ADGRL3: variants seen among roughly 807,000 people sequenced by gnomAD.
ADGRL3 encodes adhesion G protein-coupled receptor L3.
Under a neutral mutation model 153.5 loss-of-function variants are expected in ADGRL3, and 62 were observed. The ratio of observed to expected loss-of-function variants is 0.40; its 90% CI spans 0.33 to 0.50. The LOEUF (loss-of-function observed/expected upper bound fraction) is 0.50, where lower values mean the gene tolerates loss of function less well. Ranked by LOEUF, ADGRL3 falls within the 20% of genes least tolerant of loss-of-function variation. ADGRL3 has a pLI of 0.47. For synonymous variants in ADGRL3, 710 were observed against 672.5 expected, an observed-to-expected ratio of 1.06 and a Z score of -0.86; for missense variants, 1,641 against 1,859.4, an observed-to-expected ratio of 0.88 and a Z score of 2.16.
intron 2 of ADGRL3, among the ~76,000 whole-genome samples, chr4:61,428,885 TATCTATATC>T (rs761821494): frequency 0.12 from 12,219 of 103,892 alleles, 572 homozygotes; most frequent in Middle Eastern, 0.2. Flanking sequence ...ATCATCTATC[TATCTATATC>T]ATCTATCTAT....
intron 11 of ADGRL3, among the ~76,000 whole-genome samples, chr4:61,899,468 A>G (rs1269321042): frequency 2.0e-5 from 3 of 152,120 alleles, no homozygotes; most frequent in African/African-American, 7.2e-5. Flanking sequence ...CAAACTTGTA[A>G]AGCAAAGGAA....
intron 24 of ADGRL3, among the ~76,000 whole-genome samples, chr4:62,039,783 C>A (rs144456780): frequency 1.3e-5 from 2 of 152,080 alleles, no homozygotes; most frequent in Non-Finnish European, 2.9e-5. Context: ...ACTTTTTCCA[C>A]GACTTTTCAA....
intron 1 of ADGRL3, among the ~76,000 whole-genome samples, chr4:61,356,297 A>T (rs1040617589): frequency 6.6e-6 from 1 of 152,062 alleles, no homozygotes. Flanking sequence ...GAAATCTGTT[A>T]TGCAGGATTT....
chr4:61,707,171 C>T (rs867558775), intron 6 of ADGRL3, among the ~76,000 whole-genome samples: 5 of 152,200 alleles, frequency 3.3e-5, no homozygotes, highest in South Asian at 2.1e-4. Flanking sequence ...AGGCATGGTT[C>T]GTGGTCCCCA....
chr4:61,230,487 A>G (rs773353747), intron 1 of ADGRL3, among the ~76,000 whole-genome samples: 9 of 152,208 alleles, frequency 5.9e-5, no homozygotes, highest in Non-Finnish European at 1.2e-4. Flanking sequence ...ATTTATTTAA[A>G]TCTTTCATCC....
chr4:61,769,756 C>G (rs2097059546), intron 8 of ADGRL3, among the ~76,000 whole-genome samples: 1 of 146,464 alleles, frequency 6.8e-6, no homozygotes, highest in Non-Finnish European at 1.5e-5. Flanking sequence ...TTGCAAGGTG[C>G]TCAGTGGGCA....
intron 8 of ADGRL3, among the ~76,000 whole-genome samples, chr4:61,748,242 A>C (rs983842949): frequency 6.6e-6 from 1 of 152,214 alleles, no homozygotes. Context: ...TTCCATGCTC[A>C]TGGGTAGGAA....
At chr4:61,783,421 A>G (rs1187234047) in intron 8 of ADGRL3, among the ~76,000 whole-genome samples, 2 of 152,126 alleles carry the variant, frequency 1.3e-5, no homozygotes, top group Non-Finnish European at 1.5e-5. Flanking sequence ...TGGTATGTCC[A>G]CATGTGAGTG....
chr4:61,874,183 C>A (rs2098460923), intron 9 of ADGRL3, among the ~76,000 whole-genome samples: 1 of 152,162 alleles, frequency 6.6e-6, no homozygotes, highest in Non-Finnish European at 1.5e-5. Context: ...AAGTTCTCAT[C>A]TGAAACCTTG....
intron 2 of ADGRL3, among the ~76,000 whole-genome samples, chr4:61,396,714 T>A (rs1348858081): frequency 2.0e-5 from 3 of 151,982 alleles, no homozygotes; most frequent in Non-Finnish European, 4.4e-5. Context: ...TTATTATTAA[T>A]GCATAAAGTA....
chr4:61,539,464 C>T (rs1365461316), intron 4 of ADGRL3, among the ~76,000 whole-genome samples: 2 of 152,170 alleles, frequency 1.3e-5, no homozygotes, highest in Non-Finnish European at 2.9e-5. Flanking sequence ...TTCAGGGGCC[C>T]CATAACTCTC....
At chr4:61,565,154 T>TA (rs1044347624) in intron 4 of ADGRL3, among the ~76,000 whole-genome samples, 12 of 152,230 alleles carry the variant, frequency 7.9e-5, no homozygotes, top group Admixed American at 7.2e-4. Flanking sequence ...CTTCAATTTG[T>TA]AAAAAACACA....
chr4:62,073,474 A>C lies in ADGRL3; in HGVS notation c.*2566A>C, dbSNP rs1261769398. 4 of 152,126 alleles carry C rather than the reference A, an allele frequency of 2.6e-5. No homozygotes were observed. Among genetic ancestry groups the C allele is most frequent in the Non-Finnish European group, 5.9e-5 (4 of 68,006 alleles). The allele number at this position is 152,126 out of a possible 1,614,324, so 9.4% of individuals were successfully genotyped here. A position where few individuals can be genotyped will look rare whatever the true frequency, so the allele number is the denominator to read the frequency against. On this transcript the variant is annotated 3_prime_UTR_variant, in exon 27 of 27. Coordinates refer to ENST00000683033, the MANE Select transcript of ADGRL3 (RefSeq NM_001387552.1). ...AAAAGAATCCTTTTTAGATGTGTTT[A>C]TGGTAACTTCAGAAACACAAATGTG...
intron 4 of ADGRL3, among the ~76,000 whole-genome samples, chr4:61,577,566 T>C (rs192227509): frequency 2.0e-5 from 3 of 152,020 alleles, no homozygotes; most frequent in East Asian, 3.9e-4. Context: ...ATCTTAGCAC[T>C]TTGGGAGGCA....
At chr4:61,384,365 T>G (rs2096710572) in intron 2 of ADGRL3, among the ~76,000 whole-genome samples, 2 of 150,312 alleles carry the variant, frequency 1.3e-5, no homozygotes, top group African/African-American at 5.0e-5. Flanking sequence ...ACAATTAATA[T>G]TATTTCCTTC....
At chr4:61,546,316 A>C (rs2098713755) in intron 4 of ADGRL3, among the ~76,000 whole-genome samples, 1 of 152,190 alleles carries the variant, frequency 6.6e-6, no homozygotes, top group Admixed American at 6.5e-5. Context: ...TCTGTATTAC[A>C]CCAGTGTGCT....
At chr4:61,797,198 G>A (rs2097425443) in intron 8 of ADGRL3, among the ~76,000 whole-genome samples, 1 of 152,130 alleles carries the variant, frequency 6.6e-6, no homozygotes, top group Admixed American at 6.6e-5. Context: ...TTTAAGCAAG[G>A]TAAATTAAAA....
At chr4:61,245,969 TC>T (rs1440770966) in intron 1 of ADGRL3, among the ~76,000 whole-genome samples, 1 of 151,956 alleles carries the variant, frequency 6.6e-6, no homozygotes, top group African/African-American at 2.4e-5. Flanking sequence ...TATCTGTGAG[TC>T]CCCCCTGCCA....
chr4:61,563,208 G>A (rs949147775), intron 4 of ADGRL3, among the ~76,000 whole-genome samples: 2 of 152,140 alleles, frequency 1.3e-5, no homozygotes, highest in East Asian at 1.9e-4. Flanking sequence ...CATCTCCATC[G>A]GAGCTCCTGG....
Sources: gnomAD v4.1 joint callset for allele counts (sites outside exome capture counted in the v4.1 genomes callset) on GRCh38, gnomAD v4.1.1 for gene constraint, MANE v1.5 for transcripts, NCBI Gene and HGNC (gene_info 2026-07-23, HGNC 2026-07-21) for gene names.